The following KAT2B variants were observed in gnomAD, a reference collection of about 807,000 sequenced individuals.
KAT2B encodes lysine acetyltransferase 2B, also known as histone acetyltransferase KAT2B.
KAT2B carries 36 observed loss-of-function variants against 105.9 expected under a neutral mutation model. The ratio of observed to expected loss-of-function variants is 0.34; its 90% CI spans 0.26 to 0.45. KAT2B has a LOEUF of 0.45. KAT2B is among the 20% of genes least tolerant of loss of function. The pLI is 1.00. For missense variants in KAT2B, 820 were observed against 1,021.6 expected, an observed-to-expected ratio of 0.80 and a Z score of 2.69; for synonymous variants, 397 against 377.9, an observed-to-expected ratio of 1.05 and a Z score of -0.59.
intron 11 of KAT2B, among the ~76,000 whole-genome samples, chr3:20,129,501 C>T (rs1699472020): frequency 2.6e-5 from 4 of 151,608 alleles, no homozygotes; most frequent in South Asian, 4.2e-4. Context: ...CAGCCTCATG[C>T]GTAGCTGGGA....
chr3:20,146,914 G>C (rs2125197324), intron 14 of KAT2B, among the ~76,000 whole-genome samples: 1 of 152,260 alleles, frequency 6.6e-6, no homozygotes, highest in East Asian at 1.9e-4. Context: ...TGCTTGACTA[G>C]TCTCCCCAAA....
intron 1 of KAT2B, among the ~76,000 whole-genome samples, chr3:20,054,025 T>C (rs1480282067): frequency 2.6e-5 from 4 of 152,256 alleles, no homozygotes; most frequent in Non-Finnish European, 5.9e-5. Flanking sequence ...CTCAAACTCC[T>C]GACCTCAAGT....
At chr3:20,117,986 G>C (rs1008802845) in intron 7 of KAT2B, among the ~76,000 whole-genome samples, 1 of 151,952 alleles carries the variant, frequency 6.6e-6, no homozygotes, top group Non-Finnish European at 1.5e-5. Context: ...AGGTGACAGA[G>C]AAATCCTGTG....
intron 2 of KAT2B, among the ~76,000 whole-genome samples, chr3:20,080,717 C>G (rs959903725): frequency 6.6e-6 from 1 of 152,186 alleles, no homozygotes; most frequent in African/African-American, 2.4e-5. Context: ...GGCTATTGAA[C>G]ACTTGCAATT....
intron 1 of KAT2B, among the ~76,000 whole-genome samples, chr3:20,055,266 C>G (rs555291764): frequency 1.2e-4 from 19 of 152,276 alleles, no homozygotes; most frequent in African/African-American, 4.1e-4. Flanking sequence ...TATATGTCAA[C>G]TTTTTCCGTT....
chr3:20,059,637 G>A (rs533781324), intron 1 of KAT2B, among the ~76,000 whole-genome samples: 43 of 152,138 alleles, frequency 2.8e-4, no homozygotes, highest in African/African-American at 1.0e-3. Context: ...CCTGGGAGGT[G>A]GAGCTTGCGG....
At chr3:20,051,237 A>G (rs1697911437) in intron 1 of KAT2B, among the ~76,000 whole-genome samples, 1 of 151,506 alleles carries the variant, frequency 6.6e-6, no homozygotes, top group African/African-American at 2.4e-5. Flanking sequence ...AAACAAATCA[A>G]GGAGGGGTAC....
At chr3:20,151,291 A>T (rs1699865600) in intron 17 of KAT2B, among the ~76,000 whole-genome samples, 1 of 152,200 alleles carries the variant, frequency 6.6e-6, no homozygotes, top group African/African-American at 2.4e-5. Flanking sequence ...TAGGATATTG[A>T]TGCAAATGAA....
intron 9 of KAT2B, among the ~76,000 whole-genome samples, chr3:20,124,245 GA>G (rs1249369540): frequency 6.6e-6 from 1 of 152,106 alleles, no homozygotes; most frequent in African/African-American, 2.4e-5. Flanking sequence ...TTGCTACAAA[GA>G]AATACCTGAG....
At chr3:20,152,070 T>C (rs548124412) in intron 17 of KAT2B, among the ~76,000 whole-genome samples, 3 of 152,158 alleles carry the variant, frequency 2.0e-5, no homozygotes, top group Non-Finnish European at 2.9e-5. Context: ...TTGTGCTGAA[T>C]AGGGGATTGA....
intron 13 of KAT2B, among the ~76,000 whole-genome samples, chr3:20,141,895 C>T (rs928706637): frequency 2.6e-5 from 4 of 151,662 alleles, no homozygotes; most frequent in Middle Eastern, 3.4e-3. Context: ...TAAAGCACAG[C>T]GGGCTCCTCT....
intron 2 of KAT2B, among the ~76,000 whole-genome samples, chr3:20,086,825 A>AGGCTGGAGTGCAGTGGCACAGTCTC (rs11268707): frequency 6.8e-6 from 1 of 148,030 alleles, no homozygotes; most frequent in Non-Finnish European, 1.5e-5. Context: ...GGAGTCTCGC[A>AGGCTGGAGTGCAGTGGCACAGTCTC]GGCTGGAGTG....
chr3:20,067,638 T>A (rs1698245332), intron 1 of KAT2B, among the ~76,000 whole-genome samples: 1 of 152,076 alleles, frequency 6.6e-6, no homozygotes, highest in Non-Finnish European at 1.5e-5. Flanking sequence ...GGAAGAAAAG[T>A]TTTAGATCCT....
intron 1 of KAT2B, among the ~76,000 whole-genome samples, chr3:20,051,108 G>A (rs1323459257): frequency 2.0e-5 from 3 of 150,844 alleles, no homozygotes; most frequent in Admixed American, 1.3e-4. Flanking sequence ...GCTGAGGCAT[G>A]AGGATGGCTT....
chr3:20,145,547 TTTTTTAG>T, intron 13 of KAT2B, among the ~76,000 whole-genome samples: 1 of 135,972 alleles, frequency 7.4e-6, no homozygotes, highest in Non-Finnish European at 1.5e-5. Flanking sequence ...CGGATGGGAT[TTTTTTAG>T]TTTTTTTTTT....
intron 5 of KAT2B, among the ~76,000 whole-genome samples, chr3:20,110,514 T>C (rs921255718): frequency 6.6e-6 from 1 of 150,816 alleles, no homozygotes; most frequent in African/African-American, 2.4e-5. Context: ...TTACAAAAAA[T>C]AAGAAAAAAT....
At chr3:20,078,033 G>C (rs192396728) in intron 2 of KAT2B, among the ~76,000 whole-genome samples, 15 of 152,202 alleles carry the variant, frequency 9.9e-5, no homozygotes. Flanking sequence ...AAATCAGCTG[G>C]TGTGGTGGCA....
chr3:20,049,759 T>C (rs964643440), intron 1 of KAT2B, among the ~76,000 whole-genome samples: 2 of 152,190 alleles, frequency 1.3e-5, no homozygotes, highest in African/African-American at 2.4e-5. Context: ...ATATACATGC[T>C]CTTGATTGTT....
chr3:20,072,010 C>G (rs1233269111), intron 1 of KAT2B, among the ~76,000 whole-genome samples: 1 of 152,114 alleles, frequency 6.6e-6, no homozygotes, highest in Non-Finnish European at 1.5e-5. Context: ...TTTGGAATGT[C>G]CATCTTTTGA....
Sources: gnomAD v4.1 joint callset for allele counts (sites outside exome capture counted in the v4.1 genomes callset) on GRCh38, gnomAD v4.1.1 for gene constraint, MANE v1.5 for transcripts, NCBI Gene and HGNC (gene_info 2026-07-23, HGNC 2026-07-21) for gene names.